GABRG3: variants seen among roughly 807,000 people sequenced by gnomAD.
GABRG3 encodes the protein gamma-aminobutyric acid type A receptor subunit gamma3, also known as gamma-aminobutyric acid receptor subunit gamma-3.
Under a neutral mutation model 48.8 loss-of-function variants are expected in GABRG3, and 25 were observed. That is an observed-to-expected ratio of 0.51 (90% confidence interval 0.37 to 0.72). The LOEUF (loss-of-function observed/expected upper bound fraction) is 0.72. GABRG3 is among the 30% of genes least tolerant of loss of function. The probability of loss-of-function intolerance (pLI) is 0.00; values close to 1 mark genes in which losing one functional copy is unlikely to be tolerated. For synonymous variants in GABRG3, 227 were observed against 217.6 expected (o/e 1.04, Z -0.38); for missense variants, 394 against 577.9 (o/e 0.68, Z 3.26).
chr15:27,242,200 G>A lies in GABRG3; in HGVS notation c.271-84609G>A, dbSNP rs1370626849. 2.0e-5 allele frequency among the ~76,000 whole-genome samples: 3 copies of A among 152,200 alleles called. No homozygotes were observed. In the East Asian group the frequency reaches 5.8e-4, roughly 29 times the overall value. On this transcript the variant is annotated intron_variant, in intron 3 of 9. Transcript: ENST00000615808. Reference sequence around the variant, plus strand: ...TGCTATACAGTAAGCAATCTTTTTAGCAACAGCTCAGATGTGTGGCTGCAC... The same window carrying A: ...TGCTATACAGTAAGCAATCTTTTTAACAACAGCTCAGATGTGTGGCTGCAC...
chr15:27,368,132 C>G (rs549405986), intron 5 of GABRG3, among the ~76,000 whole-genome samples: 7 of 152,290 alleles, frequency 4.6e-5, no homozygotes, highest in African/African-American at 1.7e-4. Flanking sequence ...AGGGCTGTTT[C>G]TTTTCTTCAT....
intron 5 of GABRG3, among the ~76,000 whole-genome samples, chr15:27,393,169 C>T (rs571584518): frequency 2.6e-4 from 40 of 151,922 alleles, no homozygotes; most frequent in East Asian, 2.3e-3. Flanking sequence ...ACGGTGAAAC[C>T]CCATCTCTAC....
At chr15:27,370,035 A>G (rs921238590) in intron 5 of GABRG3, among the ~76,000 whole-genome samples, 17 of 152,216 alleles carry the variant, frequency 1.1e-4, no homozygotes, top group Non-Finnish European at 2.1e-4. Context: ...AGCACGCTCT[A>G]ATCAATTAAA....
intron 3 of GABRG3, among the ~76,000 whole-genome samples, chr15:27,143,482 T>G (rs1898142848): frequency 6.6e-6 from 1 of 152,258 alleles, no homozygotes; most frequent in Non-Finnish European, 1.5e-5. Flanking sequence ...CAGGTTGACA[T>G]TTATTTGATT....
rs567094237 is a variant in GABRG3, at chr15:27,058,060, G to A, written c.270+31239G>A. 5.3e-5 allele frequency among the ~76,000 whole-genome samples: 8 copies of A among 152,318 alleles called. No homozygotes were observed. In the South Asian group the frequency reaches 6.2e-4, roughly 12 times the overall value. On this transcript the variant is annotated intron_variant, in intron 3 of 9. Coordinates refer to ENST00000615808, the MANE Select transcript of GABRG3 (RefSeq NM_033223.5). ...CTGAGGAAGCATACAGGCTTTGCCC[G>A]TGGTTGGGTGGTGAGGCTGCATTTC...
intron 5 of GABRG3, among the ~76,000 whole-genome samples, chr15:27,470,389 AT>A (rs970370146): frequency 1.7e-4 from 25 of 147,434 alleles, no homozygotes; most frequent in Non-Finnish European, 3.0e-4. Context: ...ATGCCCAGCT[AT>A]TTTTTTTTTA....
intron 2 of GABRG3, among the ~76,000 whole-genome samples, chr15:27,001,829 T>C (rs1275363782): frequency 6.6e-6 from 1 of 151,016 alleles, no homozygotes; most frequent in Non-Finnish European, 1.5e-5. Flanking sequence ...GACCACTGGC[T>C]GATTTTAGGA....
intron 5 of GABRG3, among the ~76,000 whole-genome samples, chr15:27,417,414 C>T (rs1887972577): frequency 6.6e-6 from 1 of 152,198 alleles, no homozygotes; most frequent in South Asian, 2.1e-4. Flanking sequence ...CCTCCTTCTA[C>T]CCCTGTTGGT....
chr15:27,405,853 G>GT (rs1555378543), intron 5 of GABRG3, among the ~76,000 whole-genome samples: 2 of 151,878 alleles, frequency 1.3e-5, no homozygotes, highest in African/African-American at 4.8e-5. Context: ...CTAGGACTGG[G>GT]GGAGGGAATA....
At chr15:27,460,998 C>T (rs548485767) in intron 5 of GABRG3, among the ~76,000 whole-genome samples, 3 of 152,284 alleles carry the variant, frequency 2.0e-5, no homozygotes, top group African/African-American at 7.2e-5. Flanking sequence ...GGTCTCTGCT[C>T]GTTCCTGTAC....
chr15:27,014,972 G>A (rs570416849), intron 2 of GABRG3, among the ~76,000 whole-genome samples: 88 of 152,228 alleles, frequency 5.8e-4, no homozygotes, highest in African/African-American at 1.5e-3. Flanking sequence ...ATATACTTAT[G>A]GTTGTTATGT....
chr15:27,342,798 G>A (rs554870411), intron 5 of GABRG3, among the ~76,000 whole-genome samples: 3 of 152,272 alleles, frequency 2.0e-5, no homozygotes, highest in African/African-American at 4.8e-5. Flanking sequence ...GACTCCTTCC[G>A]TTCTACCTGG....
intron 3 of GABRG3, among the ~76,000 whole-genome samples, chr15:27,111,757 G>C (rs1027071012): frequency 1.3e-5 from 2 of 152,106 alleles, no homozygotes; most frequent in African/African-American, 2.4e-5. Context: ...GTACTTTTCT[G>C]CTTCAATCTG....
Position 27,142,700 on chromosome 15 carries a change from C to T in GABRG3, c.270+115879C>T, listed in dbSNP as rs150358112. ...GTTTTGGGCAAGTCAGTCTTCCCTACACACAAGTGTGCTTTATCACTTCAC... is the reference window on the plus strand; with the variant it reads ...GTTTTGGGCAAGTCAGTCTTCCCTATACACAAGTGTGCTTTATCACTTCAC... On this transcript the variant is annotated intron_variant, in intron 3 of 9. Transcript: ENST00000615808. Among the ~76,000 whole-genome samples the T allele has an allele frequency of 1.9e-4, 29 of 152,278 alleles. No homozygotes were observed. The East Asian group carries it at 5.6e-3, about 29-fold the overall frequency.
chr15:27,234,485 C>T (rs1027922021), intron 3 of GABRG3, among the ~76,000 whole-genome samples: 2 of 152,160 alleles, frequency 1.3e-5, no homozygotes, highest in African/African-American at 4.8e-5. Context: ...GTCAGCAGGT[C>T]CTGTAAGCTC....
At chr15:27,291,449 A>G (rs1411287733) in intron 3 of GABRG3, among the ~76,000 whole-genome samples, 2 of 152,212 alleles carry the variant, frequency 1.3e-5, no homozygotes, top group African/African-American at 4.8e-5. Flanking sequence ...TTTGTGCTAA[A>G]CATTAATCAT....
chr15:27,495,568 T>C (rs1448987489), intron 6 of GABRG3, among the ~76,000 whole-genome samples: 1 of 152,222 alleles, frequency 6.6e-6, no homozygotes, highest in Non-Finnish European at 1.5e-5. Flanking sequence ...GGAAAGTCTG[T>C]TGTATAATTC....
intron 3 of GABRG3, among the ~76,000 whole-genome samples, chr15:27,269,494 C>T (rs1891016676): frequency 6.6e-6 from 1 of 152,268 alleles, no homozygotes; most frequent in Non-Finnish European, 1.5e-5. Flanking sequence ...GTTGTATCCT[C>T]TAACCATCAC....
chr15:27,308,747 A>T (rs1048595300), intron 3 of GABRG3, among the ~76,000 whole-genome samples: 12 of 149,468 alleles, frequency 8.0e-5, no homozygotes, highest in African/African-American at 2.7e-4. Context: ...GTTTATATGT[A>T]AACATATAAT....
Sources: gnomAD v4.1 joint callset for allele counts (sites outside exome capture counted in the v4.1 genomes callset) on GRCh38, gnomAD v4.1.1 for gene constraint, MANE v1.5 for transcripts, NCBI Gene and HGNC (gene_info 2026-07-23, HGNC 2026-07-21) for gene names.